Variants in CDON observed in about 807,000 individuals in gnomAD.
The protein encoded by CDON is cell adhesion molecule-related/down-regulated by oncogenes.
Under a neutral mutation model 120.9 loss-of-function variants are expected in CDON, and 73 were observed. The observed-to-expected ratio is 0.60, with a 90% CI of 0.50 to 0.73. The LOEUF (loss-of-function observed/expected upper bound fraction) is 0.73. Among genes scored for constraint, CDON ranks in the 30% least tolerant of loss-of-function variants. The probability of loss-of-function intolerance (pLI) is 0.00; values close to 1 mark genes in which losing one functional copy is unlikely to be tolerated. For synonymous variants in CDON, 566 were observed against 573.5 expected, an observed-to-expected ratio of 0.99 and a Z score of 0.19; for missense variants, 1,470 against 1,587.3, an observed-to-expected ratio of 0.93 and a Z score of 1.26.
intron 1 of CDON, among the ~76,000 whole-genome samples, chr11:126,029,917 G>A (rs1947901001): frequency 6.6e-6 from 1 of 152,172 alleles, no homozygotes; most frequent in South Asian, 2.1e-4. Flanking sequence ...GCAGCTAAGT[G>A]TAGTAAAACC....
intron 18 of CDON, among the ~76,000 whole-genome samples, chr11:125,977,233 A>T (rs556310283): frequency 4.7e-4 from 72 of 152,320 alleles, no homozygotes; most frequent in African/African-American, 1.6e-3. Flanking sequence ...AAAGAAGCAG[A>T]TGGCTCTTTT....
Position 125,961,024 on chromosome 11 carries a change from C to G in CDON, c.3713G>C (p.Cys1238Ser). Residue 1238 changes from cysteine to serine, a missense_variant, in exon 20 of 20, where the codon TGT becomes TCT. Coordinates refer to ENST00000531738, the MANE Select transcript of CDON (RefSeq NM_001378964.1). ...ALILPPVPEG[C>S]AEKTMWSPPG... ...TGGAGACCACATTGTCTTCTCAGCACAGCCCTCGGGGACAGGTGGCAAAAT... is the reference window on the plus strand; with the variant it reads ...TGGAGACCACATTGTCTTCTCAGCAGAGCCCTCGGGGACAGGTGGCAAAAT... The G allele has an allele frequency of 6.2e-7, 1 of 1,614,074 alleles. No homozygotes were observed. The highest frequency in any genetic ancestry group is 8.5e-7 in the Non-Finnish European group (1 of 1,179,932).
intron 1 of CDON, among the ~76,000 whole-genome samples, chr11:126,033,718 G>T (rs952636053): frequency 3.3e-5 from 5 of 152,074 alleles, no homozygotes; most frequent in Non-Finnish European, 7.3e-5. Context: ...GTCCACAGGG[G>T]TTCTCCCAAA....
In CDON at chr11:125,958,046, T is replaced by C. The variant is rs1591535234; in HGVS notation, c.*2896A>G. 6.6e-6 allele frequency: 1 copy of C among 152,170 alleles called. No homozygotes were observed. Among genetic ancestry groups the C allele is most frequent in the East Asian group, 1.9e-4 (1 of 5,172 alleles). 9.4% of individuals were successfully genotyped at this position (152,170 alleles called of 1,614,324 possible). On this transcript the variant is annotated 3_prime_UTR_variant, in exon 20 of 20. Coordinates refer to ENST00000531738, the MANE Select transcript of CDON (RefSeq NM_001378964.1). ...AGACAGGGGGCGTCAAGGGGAGAAA[T>C]GTGGACCTCTGGAAGACGAAGTCAT...
chr11:125,958,590 TGTTTATA>T lies in CDON; in HGVS notation c.*2345_*2351del, dbSNP rs1945552471. On this transcript the variant is annotated 3_prime_UTR_variant, in exon 20 of 20. Transcript: ENST00000531738. ...ATGTGTGTGTGTGTGTGTGTGTGTG[TGTTTATA>T]TATATATATTTATATATTTCAATAT... 3 of 149,808 alleles carry T rather than the reference TGTTTATA, an allele frequency of 2.0e-5. No individual in the cohort carries two copies. The highest frequency in any genetic ancestry group is 3.0e-5 in the Non-Finnish European group (2 of 67,522). The allele number at this position is 149,808 out of a possible 1,614,324, so 9.3% of individuals were successfully genotyped here. A position where few individuals can be genotyped will look rare whatever the true frequency, so the allele number is the denominator to read the frequency against.
chr11:125,981,199 G>A lies in CDON; in HGVS notation c.3126C>T (p.Leu1042=). The change falls in exon 17 of 20, where the codon CTC becomes CTT. Residue 1042 remains leucine (L), a synonymous_variant. Coordinates refer to ENST00000531738, the MANE Select transcript of CDON (RefSeq NM_001378964.1). ...GGTGAAGGTGGGAATAGCCACTGCTGAGACCGCCATTGGTTAGGAAGCCTC... is the reference window on the plus strand; with the variant it reads ...GGTGAAGGTGGGAATAGCCACTGCTAAGACCGCCATTGGTTAGGAAGCCTC... ...VHGGFLTNGG[L]SSGYSHLHHK... is the part of the protein sequence containing the mutation. 1 of 1,614,210 alleles carries A rather than the reference G, an allele frequency of 6.2e-7. No homozygotes were observed. The highest frequency in any genetic ancestry group is 8.5e-7 in the Non-Finnish European group (1 of 1,180,044).
At chr11:126,026,784 T>C (rs539115415) in intron 1 of CDON, among the ~76,000 whole-genome samples, 11 of 152,354 alleles carry the variant, frequency 7.2e-5, no homozygotes, top group Admixed American at 2.6e-4. Context: ...GGGTAAGAAC[T>C]GACACACCAC....
At chr11:125,981,963 CTATTTTCTTTTTTTTTT>C (rs1474896565) in intron 16 of CDON, among the ~76,000 whole-genome samples, 3 of 34,136 alleles carry the variant, frequency 8.8e-5, no homozygotes, top group Non-Finnish European at 1.9e-4. Context: ...AAAAGTGATT[CTATTTTCTTTTTTTTTT>C]TTTTTTTTTT....
chr11:125,969,909 T>G (rs1262215118), intron 18 of CDON, among the ~76,000 whole-genome samples: 1 of 152,234 alleles, frequency 6.6e-6, no homozygotes, highest in Non-Finnish European at 1.5e-5. Context: ...AATATTCTTG[T>G]AAAACTATAC....
Position 125,995,261 on chromosome 11 carries a change from T to C in CDON, c.2363-209A>G, listed in dbSNP as rs58218468. ...CTGGGAGTGGCTGCTCCGTGCATGG[T>C]GTTCAAGATCCCAAGACCTTCTTAG... is the stretch of plus-strand genomic sequence containing the variant. On this transcript the variant is annotated intron_variant, in intron 12 of 19. Coordinates refer to ENST00000531738, the MANE Select transcript of CDON (RefSeq NM_001378964.1). Among the ~76,000 whole-genome samples, 2,534 of 152,266 alleles carry C rather than the reference T, an allele frequency of 0.017. 82 individuals carry two copies. Among genetic ancestry groups the C allele is most frequent in the African/African-American group, 0.058 (2,422 of 41,546 alleles).
intron 2 of CDON, among the ~76,000 whole-genome samples, chr11:126,022,413 G>A (rs997449524): frequency 2.3e-4 from 35 of 152,062 alleles, no homozygotes; most frequent in African/African-American, 5.8e-4. Context: ...ATAGGGCTTC[G>A]TATTTTTATT....
intron 7 of CDON, among the ~76,000 whole-genome samples, chr11:126,011,940 C>T (rs1452635067): frequency 6.6e-6 from 1 of 152,138 alleles, no homozygotes; most frequent in Non-Finnish European, 1.5e-5. Context: ...CATCAAAATG[C>T]GAAATGGGTC....
intron 18 of CDON, among the ~76,000 whole-genome samples, chr11:125,967,025 A>T (rs905316876): frequency 1.2e-4 from 11 of 90,922 alleles, no homozygotes; most frequent in South Asian, 7.0e-4. Context: ...CAACAGATTT[A>T]AAAAAAAAAA....
At chr11:126,033,379 A>G (rs569655776) in intron 1 of CDON, among the ~76,000 whole-genome samples, 38 of 152,254 alleles carry the variant, frequency 2.5e-4, no homozygotes, top group African/African-American at 9.1e-4. Flanking sequence ...GTCGCAGATG[A>G]CACTCTGGTG....
At chr11:126,033,439 T>C (rs772970234) in intron 1 of CDON, among the ~76,000 whole-genome samples, 6 of 152,028 alleles carry the variant, frequency 3.9e-5, no homozygotes, top group Non-Finnish European at 7.4e-5. Flanking sequence ...CCCAAAACTA[T>C]CATGCTTGAA....
chr11:125,984,497 G>A (rs673397), intron 15 of CDON, among the ~76,000 whole-genome samples: 39,943 of 152,040 alleles, frequency 0.26, 5,545 homozygotes, highest in African/African-American at 0.34. Context: ...AGGAGTTTGC[G>A]AACGGCCTGA....
rs574783122 is a variant in CDON, at chr11:125,988,034, C to A, written c.2773+1603G>T. On this transcript the variant is annotated intron_variant, in intron 15 of 19. Transcript: ENST00000531738. ...TTTTAAAAAGGAATAATAAGATCAC[C>A]TGTAGAGACCCTGATGGCTGCCCAG... Among the ~76,000 whole-genome samples the A allele has an allele frequency of 9.2e-5, 14 of 152,288 alleles. No homozygotes were observed. In the East Asian group the frequency reaches 2.7e-3, roughly 29 times the overall value.
chr11:126,021,894 G>A (rs989373214), intron 2 of CDON, among the ~76,000 whole-genome samples: 9 of 152,068 alleles, frequency 5.9e-5, no homozygotes, highest in Admixed American at 2.0e-4. Context: ...CTTGAGCTCA[G>A]GAGATCAAGA....
chr11:126,006,042 T>A lies in CDON; in HGVS notation c.1568A>T (p.Asn523Ile). 2.5e-6 allele frequency: 4 copies of A among 1,613,962 alleles called. No homozygotes were observed. Among genetic ancestry groups the A allele is most frequent in the Non-Finnish European group, 3.4e-6 (4 of 1,179,944 alleles). Residue 523 changes from asparagine (N) to isoleucine (I), a missense_variant, in exon 9 of 20, where the codon AAT (asparagine) becomes ATT (isoleucine). Transcript: ENST00000531738. ...ASLMVVPFET[N>I]TKAETVTLPD... ...AAGTGTGACTGTCTCTGCTTTTGTA[T>A]TTGTTTCAAAAGGAACTGCAGGGAG...
Sources: allele counts gnomAD v4.1 joint callset (sites outside exome capture counted in the v4.1 genomes callset), GRCh38; gene constraint gnomAD v4.1.1; transcripts MANE v1.5; gene names NCBI Gene and HGNC (gene_info 2026-07-23, HGNC 2026-07-21).